The following POU2F1 variants were observed in gnomAD, a reference collection of about 807,000 sequenced individuals.
POU2F1 encodes POU class 2 homeobox 1, also known as POU domain, class 2, transcription factor 1.
In POU2F1, 16 loss-of-function variants were observed where a neutral mutation model predicts 84.9. That is an observed-to-expected ratio of 0.19 (90% confidence interval 0.13 to 0.29). The LOEUF is 0.29. Among genes scored for constraint, POU2F1 ranks in the 10% least tolerant of loss-of-function variants. The pLI, the probability that POU2F1 is intolerant of heterozygous loss-of-function variation, is 1.00. For synonymous variants in POU2F1, 368 were observed against 368.3 expected, an observed-to-expected ratio of 1.00 and a Z score of 0.01; for missense variants, 738 against 942.6, an observed-to-expected ratio of 0.78 and a Z score of 2.84.
chr1:167,250,437 AT>A (rs1650638836), intron 1 of POU2F1, among the ~76,000 whole-genome samples: 1 of 152,222 alleles, frequency 6.6e-6, no homozygotes, highest in Non-Finnish European at 1.5e-5. Flanking sequence ...TAGTGTTTAA[AT>A]TTTAGGTAAG....
Position 167,414,749 on chromosome 1 carries a change from C to G in POU2F1, c.1991-751C>G, listed in dbSNP as rs914067252. 3.1e-6 allele frequency: 3 copies of G among 975,028 alleles called. No individual in the cohort carries two copies. In the South Asian group the frequency reaches 1.4e-4, roughly 46 times the overall value. The allele number at this position is 975,028 out of a possible 1,614,324, so 60.4% of individuals were successfully genotyped here. A position where few individuals can be genotyped will look rare whatever the true frequency, so the allele number is the denominator to read the frequency against. On this transcript the variant is annotated intron_variant, in intron 15 of 15. Transcript: ENST00000367866. ...AATAGATTCATCATTCTCCTTTGCA[C>G]AAGTCATAGAAATCAAGTATTTAGC...
intron 3 of POU2F1, among the ~76,000 whole-genome samples, chr1:167,367,665 C>T (rs1659766994): frequency 6.6e-6 from 1 of 152,098 alleles, no homozygotes; most frequent in South Asian, 2.1e-4. Context: ...AAGCCCTTCA[C>T]CTAGAATCAC....
rs147076970 is a variant in POU2F1 at position 167,304,388 on chromosome 1, C to T, written c.62-28082C>T. ...AAAAACTGAGGCTCAGAAAGGCAGT[C>T]ATATAGCTCAATATGCTAGAACTGG... On this transcript the variant is annotated intron_variant, in intron 1 of 15. Transcript: ENST00000367866. 2.4e-4 allele frequency among the ~76,000 whole-genome samples: 37 copies of T among 152,272 alleles called. No homozygotes were observed. The East Asian group carries it at 7.1e-3, about 29-fold the overall frequency.
intron 2 of POU2F1, among the ~76,000 whole-genome samples, chr1:167,361,669 A>T (rs909925849): frequency 2.6e-5 from 4 of 152,066 alleles, no homozygotes; most frequent in African/African-American, 9.7e-5. Flanking sequence ...AGGTATCAAG[A>T]TGATGCTGCT....
chr1:167,381,919 T>C (rs1647596402), intron 7 of POU2F1, among the ~76,000 whole-genome samples: 1 of 152,110 alleles, frequency 6.6e-6, no homozygotes, highest in South Asian at 2.1e-4. Context: ...CCTCTCTTTT[T>C]TTATTATTGT....
rs745862724 is a variant in POU2F1, at chr1:167,221,086, C to G, written c.61+128C>G. ...TAATTAACGGCGGGGAGATGGGGGG[C>G]CGGGGAGCATTGAGCCCCCGCCGGG... On this transcript the variant is annotated intron_variant, in intron 1 of 15. Coordinates refer to ENST00000367866, the MANE Select transcript of POU2F1 (RefSeq NM_002697.4). The G allele has an allele frequency of 7.7e-6, 7 of 907,028 alleles. No individual in the cohort carries two copies. In the Admixed American group the frequency reaches 1.4e-4, roughly 18 times the overall value. 56.2% of individuals were successfully genotyped at this position (907,028 alleles called of 1,614,324 possible).
At chr1:167,383,670 A>T (rs1452821021) in intron 7 of POU2F1, 187 bp from the exon 8 acceptor site, 2 of 529,318 alleles carry the variant, frequency 3.8e-6, no homozygotes, top group Non-Finnish European at 6.7e-6. Flanking sequence ...AATGTTGTAT[A>T]TCTTCTCTTC....
intron 1 of POU2F1, among the ~76,000 whole-genome samples, chr1:167,322,902 C>T (rs538383531): frequency 1.3e-5 from 2 of 152,300 alleles, no homozygotes; most frequent in South Asian, 4.1e-4. Flanking sequence ...TCAGGAACAC[C>T]TTAAGCGGTT....
chr1:167,369,092 A>G (rs1012939816), intron 3 of POU2F1, among the ~76,000 whole-genome samples: 7 of 152,134 alleles, frequency 4.6e-5, no homozygotes, highest in Admixed American at 3.3e-4. Context: ...AGCCTAGTTT[A>G]TAGTCTCTTT....
chr1:167,389,494 A>G (rs1271069052), intron 8 of POU2F1, 94 bp from the exon 9 acceptor site: 12 of 1,371,568 alleles, frequency 8.7e-6, no homozygotes, highest in Non-Finnish European at 1.2e-5. Flanking sequence ...ATCGTTATCC[A>G]TAAATGTGGC....
chr1:167,384,534 A>T (rs1399340185), intron 8 of POU2F1, among the ~76,000 whole-genome samples: 1 of 152,058 alleles, frequency 6.6e-6, no homozygotes, highest in Non-Finnish European at 1.5e-5. Flanking sequence ...AAATTAGGTG[A>T]CTGAACTGGC....
chr1:167,371,920 A>G lies in POU2F1; in HGVS notation c.286A>G (p.Lys96Glu). The change falls in exon 5 of 16, where the codon AAA (lysine) becomes GAA (glutamate). Residue 96 changes from lysine (K) to glutamate (E), a missense_variant. Physicochemically the swap from Lys to Glu is moderately conservative, Grantham distance 56. This residue lies in a region of POU2F1 where 161 missense variants were observed against 147.0 expected (regional missense o/e 1.10). Coordinates refer to ENST00000367866, the MANE Select transcript of POU2F1 (RefSeq NM_002697.4). ...TTTCCTACCCACCCCACCTCAGTCT[A>G]AATCTAATGAAGAATCGGGGGATTC... The part of the protein sequence containing the change: ...AAAQSLNVQS[K>E]SNEESGDSQQ... 1.2e-6 allele frequency: 2 copies of G among 1,614,162 alleles called. No homozygotes were observed. The highest frequency in any genetic ancestry group is 1.7e-6 in the Non-Finnish European group (2 of 1,180,006).
At chr1:167,268,271 A>T (rs1389672554) in intron 1 of POU2F1, among the ~76,000 whole-genome samples, 1 of 152,196 alleles carries the variant, frequency 6.6e-6, no homozygotes, top group Non-Finnish European at 1.5e-5. Flanking sequence ...GGGAAAATTA[A>T]ATTTATTTCA....
chr1:167,410,149 A>G (rs1034556481), intron 13 of POU2F1, among the ~76,000 whole-genome samples: 9 of 152,254 alleles, frequency 5.9e-5, no homozygotes, highest in African/African-American at 1.2e-4. Context: ...GGCAATAAAA[A>G]TAAATCACTT....
chr1:167,312,254 A>G (rs1269825441), intron 1 of POU2F1, among the ~76,000 whole-genome samples: 1 of 143,872 alleles, frequency 7.0e-6, no homozygotes, highest in African/African-American at 2.6e-5. Context: ...TTTTTTTGTG[A>G]GACAGAGTCT....
chr1:167,354,109 C>G (rs1256695542), intron 2 of POU2F1, among the ~76,000 whole-genome samples: 2 of 152,138 alleles, frequency 1.3e-5, no homozygotes, highest in Non-Finnish European at 2.9e-5. Flanking sequence ...ACCTATAATT[C>G]ATTTTCACTG....
chr1:167,268,303 C>T (rs1376166074), intron 1 of POU2F1, among the ~76,000 whole-genome samples: 2 of 152,104 alleles, frequency 1.3e-5, no homozygotes, highest in Non-Finnish European at 2.9e-5. Context: ...CTTTCCAACT[C>T]CCTTAAAATT....
At chr1:167,301,042 T>G (rs1399071785) in intron 1 of POU2F1, among the ~76,000 whole-genome samples, 1 of 152,238 alleles carries the variant, frequency 6.6e-6, no homozygotes, top group Non-Finnish European at 1.5e-5. Flanking sequence ...AGTGCTGAGA[T>G]TATAGGTGTG....
intron 2 of POU2F1, among the ~76,000 whole-genome samples, chr1:167,356,883 G>A (rs1191810537): frequency 6.6e-6 from 1 of 152,192 alleles, no homozygotes; most frequent in Non-Finnish European, 1.5e-5. Context: ...CTTGGGAGGT[G>A]AGCAGGCGCA....
Sources: gnomAD v4.1 joint callset for allele counts (sites outside exome capture counted in the v4.1 genomes callset) on GRCh38, gnomAD v4.1.1 for gene constraint, gnomAD v4.1.1 regional missense constraint, MANE v1.5 for transcripts, NCBI Gene and HGNC (gene_info 2026-07-23, HGNC 2026-07-21) for gene names.